Variants in TAOK2 observed in about 807,000 individuals in gnomAD.
TAOK2 encodes TAO kinase 2, also known as serine/threonine-protein kinase TAO2.
A neutral mutation model predicts 122.5 loss-of-function variants in TAOK2; 42 were observed. The observed-to-expected ratio is 0.34, with a 90% CI of 0.27 to 0.44. TAOK2 has a LOEUF of 0.44. Among genes scored for constraint, TAOK2 ranks in the 20% least tolerant of loss-of-function variants. The pLI is 1.00. For synonymous variants in TAOK2, 704 were observed against 677.6 expected (o/e 1.04, Z -0.61); for missense variants, 1,264 against 1,644.9 (o/e 0.77, Z 4.01).
chr16:29,977,582 G>C (rs556742247), intron 1 of TAOK2, among the ~76,000 whole-genome samples, 156 bp from the exon 2 acceptor site: 105 of 152,268 alleles, frequency 6.9e-4, no homozygotes, highest in Admixed American at 3.5e-3. Flanking sequence ...ATTTTTTGGA[G>C]CTTTGATGTT....
chr16:29,975,852 A>G (rs1368929194), intron 1 of TAOK2, among the ~76,000 whole-genome samples: 1 of 152,160 alleles, frequency 6.6e-6, no homozygotes, highest in Non-Finnish European at 1.5e-5. Flanking sequence ...AATCTTAACA[A>G]CAGCTCCATG....
chr16:29,989,955 G>A (rs928965900), downstream of TAOK2: 2 of 703,320 alleles, frequency 2.8e-6, no homozygotes, highest in Non-Finnish European at 4.6e-6. Context: ...TCTCCACAAT[G>A]ATTTATTTCA....
chr16:29,978,896 A>G (rs770163017), intron 5 of TAOK2, 52 bp downstream of exon 5: 4 of 1,613,778 alleles, frequency 2.5e-6, no homozygotes, highest in South Asian at 2.2e-5. Flanking sequence ...CAGGGGAGCC[A>G]TAGGGAAGGG....
At position 29,987,883 on chromosome 16, in the gene TAOK2, A is replaced by G; in HGVS notation, c.3611A>G (p.Gln1204Arg). ...CGGCTACTACCACGCAGCCAGCGCC[A>G]GCTAGGGCCCCCTGCCTCCCGCCAG... ...IPRLLPRSQR[Q>R]LGPPASRQPL... The change falls in exon 16 of 16, where the codon CAG (glutamine) becomes CGG (arginine). Residue 1204 changes from glutamine to arginine, a missense_variant. Transcript: ENST00000308893. 6.2e-7 allele frequency: 1 copy of G among 1,601,052 alleles called. No individual in the cohort carries two copies. The highest frequency in any genetic ancestry group is 8.5e-7 in the Non-Finnish European group (1 of 1,176,594).
chr16:29,978,381 T>A, intron 4 of TAOK2, 28 bp downstream of exon 4: 6 of 1,605,084 alleles, frequency 3.7e-6, no homozygotes, highest in Non-Finnish European at 5.1e-6. Context: ...TCTGGCCTGA[T>A]CTTTACTCCT....
At position 29,987,060 on chromosome 16, in the gene TAOK2, C is replaced by A; in HGVS notation, c.2788C>A (p.Pro930Thr). The A allele has an allele frequency of 6.2e-7, 1 of 1,613,560 alleles. No homozygotes were observed. Among genetic ancestry groups the A allele is most frequent in the Non-Finnish European group, 8.5e-7 (1 of 1,179,608 alleles). Residue 930 changes from proline (P) to threonine (T), a missense_variant, in exon 16 of 16, where the codon CCC becomes ACC. Physicochemically the swap from Pro to Thr is conservative, Grantham distance 38. Coordinates refer to ENST00000308893, the MANE Select transcript of TAOK2 (RefSeq NM_016151.4). The stretch of plus-strand genomic sequence containing the variant: ...TCCTTCCCCCGACATCCCTCCTGAA[C>A]CCCCTCCAACACACCTGAGGCCCTG... ...GCPSPDIPPE[P>T]PPTHLRPCPA...
At chr16:29,991,001 G>T (rs758092273), downstream of TAOK2, 1 of 1,592,986 alleles carries the variant, frequency 6.3e-7, no homozygotes, top group African/African-American at 1.3e-5. This position sits in a 1 kb window ranked among gnomAD's most constrained non-coding sequence, Gnocchi z 5.6. Context: ...GGGGAGGGAG[G>T]GTGGGCTCCT....
chr16:29,982,076 C>A, intron 10 of TAOK2, 136 bp downstream of exon 10: 1 of 672,964 alleles, frequency 1.5e-6, no homozygotes, highest in South Asian at 1.8e-5. Flanking sequence ...ATCCCCAATG[C>A]CTAGTGGACT....
At chr16:29,989,533 T>C, downstream of TAOK2, 1 of 1,604,360 alleles carries the variant, frequency 6.2e-7, no homozygotes, top group South Asian at 1.1e-5. Context: ...TTCCTCTTCC[T>C]CCTCTTCCTC....
chr16:29,991,118 C>A (rs1431695316), downstream of TAOK2: 1 of 1,604,852 alleles, frequency 6.2e-7, no homozygotes. The surrounding 1 kb of genome is among the most constrained non-coding windows in gnomAD (Gnocchi z 5.6). Flanking sequence ...AGCGGCAGGC[C>A]CGTGAGATCG....
At position 29,986,930 on chromosome 16, in the gene TAOK2, G is replaced by A; in HGVS notation, c.2658G>A (p.Glu886=). 6.2e-7 allele frequency: 1 copy of A among 1,614,084 alleles called. No homozygotes were observed. Among genetic ancestry groups the A allele is most frequent in the Non-Finnish European group, 8.5e-7 (1 of 1,179,974 alleles). The change falls in exon 16 of 16, where the codon GAG becomes GAA. Residue 886 remains glutamate (E), a synonymous_variant. Transcript: ENST00000308893. The surrounding 1 kb of genome is among the most constrained non-coding windows in gnomAD (Gnocchi z 4.2). ...EDESLLDEEF[E]LGWVQGPALT... is the part of the protein sequence containing the mutation. ...AGAGTCTTCTGGATGAGGAGTTTGA[G>A]CTTGGCTGGGTCCAGGGCCCAGCAC...
chr16:29,984,814 C>T (rs996796219), intron 13 of TAOK2, among the ~76,000 whole-genome samples: 1 of 152,054 alleles, frequency 6.6e-6, no homozygotes, highest in African/African-American at 2.4e-5. Context: ...ACCCCACAGC[C>T]CCTATGAGGA....
At chr16:29,988,516 C>T, downstream of TAOK2, 1 of 1,179,188 alleles carries the variant, frequency 8.5e-7, no homozygotes, top group South Asian at 1.6e-5. Flanking sequence ...GTTATCTCAG[C>T]CCCCTCACTC....
chr16:29,977,669 T>C, intron 1 of TAOK2, 69 bp from the exon 2 acceptor site: 2 of 1,435,280 alleles, frequency 1.4e-6, no homozygotes, highest in Non-Finnish European at 1.9e-6. Flanking sequence ...TGGCAGAAAC[T>C]TGATGGGTCC....
downstream of TAOK2, chr16:29,990,741 G>C (rs774922137): frequency 1.9e-6 from 3 of 1,558,160 alleles, no homozygotes; most frequent in Admixed American, 5.4e-5. Context: ...GATAGTGGGG[G>C]TGGGGGAGGA....
chr16:29,990,853 C>T (rs371213377), downstream of TAOK2: 5 of 1,613,428 alleles, frequency 3.1e-6, no homozygotes, highest in African/African-American at 4.0e-5. Context: ...GGAGCTGGAG[C>T]TGCTCAACGC....
Position 29,979,098 on chromosome 16 carries a change from AG to A in TAOK2, c.449+32del. On this transcript the variant is annotated intron_variant, in intron 6 of 15. Coordinates refer to ENST00000308893, the MANE Select transcript of TAOK2 (RefSeq NM_016151.4). The surrounding 1 kb of genome is among the most constrained non-coding windows in gnomAD (Gnocchi z 4.1). ...ACAAGCAGCACCGGCAGTGCCTGGGAGGGGAGTGCTATCTGCACCACCTGTC... is the reference window on the plus strand; with the variant it reads ...ACAAGCAGCACCGGCAGTGCCTGGGAGGGAGTGCTATCTGCACCACCTGTC... 1 of 1,613,264 alleles carries A rather than the reference AG, an allele frequency of 6.2e-7. No individual in the cohort carries two copies. The highest frequency in any genetic ancestry group is 8.5e-7 in the Non-Finnish European group (1 of 1,179,238).
chr16:29,985,699 C>T lies in TAOK2; in HGVS notation c.1830C>T (p.Ala610=), dbSNP rs771424219. The change falls in exon 15 of 16, where the codon GCC becomes GCT. Residue 610 remains alanine, a synonymous_variant. Coordinates refer to ENST00000308893, the MANE Select transcript of TAOK2 (RefSeq NM_016151.4). The surrounding 1 kb of genome is among the most constrained non-coding windows in gnomAD (Gnocchi z 6.9). The part of the protein sequence containing the change: ...ENPSTPKREK[A]EWLLRQKEQL... ...CCAGCACTCCCAAGCGGGAGAAGGC[C>T]GAGTGGCTGCTGCGGCAGAAGGAGC... The T allele has an allele frequency of 1.0e-5, 16 of 1,607,302 alleles. No individual in the cohort carries two copies. Among genetic ancestry groups the T allele is most frequent in the South Asian group, 3.3e-5 (3 of 90,400 alleles).
intron 3 of TAOK2, 23 bp downstream of exon 3, chr16:29,978,183 A>G (rs779447494): frequency 1.2e-6 from 2 of 1,613,952 alleles, no homozygotes; most frequent in Admixed American, 3.3e-5. Context: ...CAATACAGCC[A>G]GGTTGGGGAC....
Sources: gnomAD v4.1 joint callset for allele counts (sites outside exome capture counted in the v4.1 genomes callset) on GRCh38, gnomAD v4.1.1 for gene constraint, Gnocchi (gnomAD v3.1) non-coding constraint, MANE v1.5 for transcripts, NCBI Gene and HGNC (gene_info 2026-07-23, HGNC 2026-07-21) for gene names.